The following MTERF4 variants were observed in gnomAD, a reference collection of about 807,000 sequenced individuals.
The protein encoded by MTERF4 is mitochondrial transcription termination factor 4.
Under a neutral mutation model 22.5 loss-of-function variants are expected in MTERF4, and 17 were observed. The ratio of observed to expected loss-of-function variants is 0.75; its 90% confidence interval spans 0.52 to 1.13. The LOEUF (loss-of-function observed/expected upper bound fraction) is 1.13. Ranked by LOEUF, MTERF4 falls within the 50% of genes most tolerant of loss-of-function variation. The pLI is 0.00. For missense variants in MTERF4, 420 were observed against 466.8 expected, an observed-to-expected ratio of 0.90 and a Z score of 0.92; for synonymous variants, 165 against 175.3, an observed-to-expected ratio of 0.94 and a Z score of 0.47.
At chr2:241,089,869 C>T (rs1331597377), downstream of MTERF4, 1 of 1,469,426 alleles carries the variant, frequency 6.8e-7, no homozygotes, top group Non-Finnish European at 9.0e-7. Context: ...CTACACACCA[C>T]AGCGTGTTAC....
intron 4 of MTERF4, among the ~76,000 whole-genome samples, chr2:241,076,527 T>C (rs556939221): frequency 6.6e-6 from 1 of 152,208 alleles, no homozygotes; most frequent in East Asian, 1.9e-4. Flanking sequence ...TTCTTTGGGG[T>C]TTTCTATATA....
At position 241,096,970 on chromosome 2, in the gene MTERF4, TGAA is replaced by T. The variant is rs1328549084; in HGVS notation, c.705+270_705+272del. 1.7e-6 allele frequency: 1 copy of T among 586,480 alleles called. No individual in the cohort carries two copies. The highest frequency in any genetic ancestry group is 3.0e-6 in the Non-Finnish European group (1 of 333,624). 36.3% of individuals were successfully genotyped at this position (586,480 alleles called of 1,614,324 possible). A position where few individuals can be genotyped will look rare whatever the true frequency, so the allele number is the denominator to read the frequency against. ...CATTCATTATTAATGGCAGAAAAGT[TGAA>T]GAATAGGTTTGATCTGTAGTAAAGA... On this transcript the variant is annotated intron_variant, in intron 3 of 3. Transcript: ENST00000391980. This position sits in a 1 kb window ranked among gnomAD's most constrained non-coding sequence, Gnocchi z 5.1.
chr2:241,064,137 G>GGCCC, the MTERF4 span: 130 of 1,525,948 alleles, frequency 8.5e-5, 8 homozygotes, highest in African/African-American at 5.9e-4. The surrounding 1 kb of genome is among the most constrained non-coding windows in gnomAD (Gnocchi z 7.0). Flanking sequence ...TAGGGCGGCA[G>GGCCC]GCCTGCCTGC....
the MTERF4 span, among the ~76,000 whole-genome samples, chr2:241,047,815 C>A: frequency 6.6e-6 from 1 of 151,886 alleles, no homozygotes; most frequent in Non-Finnish European, 1.5e-5. Context: ...TCTGTCCATT[C>A]CCAGGTGGTT....
the MTERF4 span, among the ~76,000 whole-genome samples, chr2:241,066,963 C>T: frequency 6.6e-6 from 1 of 152,212 alleles, no homozygotes; most frequent in African/African-American, 2.4e-5. Flanking sequence ...CAGTGGAGAG[C>T]CTGGGCGCAT....
the MTERF4 span, chr2:241,062,952 C>T: frequency 1.9e-5 from 24 of 1,260,544 alleles, no homozygotes; most frequent in Non-Finnish European, 2.6e-5. Flanking sequence ...AGCACACTGG[C>T]CATGTGCCTG....
At chr2:241,057,412 T>TATGC in the MTERF4 span, among the ~76,000 whole-genome samples, 635 of 129,336 alleles carry the variant, frequency 4.9e-3, 8 homozygotes, top group African/African-American at 0.018. Context: ...TATATATATA[T>TATGC]GCCATACGCA....
the MTERF4 span, chr2:241,052,408 C>T: frequency 1.7e-5 from 27 of 1,602,668 alleles, no homozygotes; most frequent in Middle Eastern, 3.3e-4. Flanking sequence ...CTGCGAGGAC[C>T]GGGACACGGA....
downstream of MTERF4, among the ~76,000 whole-genome samples, chr2:241,089,565 C>T (rs1048366678): frequency 4.6e-5 from 7 of 152,194 alleles, no homozygotes; most frequent in Admixed American, 2.6e-4. Context: ...TCTGCCTCTT[C>T]GGATGTGGAA....
chr2:241,053,281 G>A, the MTERF4 span: 2 of 1,601,476 alleles, frequency 1.2e-6, no homozygotes, highest in East Asian at 2.2e-5. Context: ...CCGCATCCGG[G>A]TCTGCCAGCC....
At chr2:241,088,784 C>T (rs141007131), downstream of MTERF4, 184 of 258,718 alleles carry the variant, frequency 7.1e-4, no homozygotes, top group African/African-American at 3.6e-3. Flanking sequence ...GGAGGGGCCA[C>T]GGGCAGCGGG....
chr2:241,091,791 G>A (rs2064024407), downstream of MTERF4: 1 of 152,484 alleles, frequency 6.6e-6, no homozygotes, highest in Admixed American at 6.5e-5. This position sits in a 1 kb window ranked among gnomAD's most constrained non-coding sequence, Gnocchi z 4.1. Flanking sequence ...GCCTCTAGAG[G>A]ACAGATGGCC....
chr2:241,098,875 G>A (rs2064573891), intron 2 of MTERF4, among the ~76,000 whole-genome samples: 1 of 152,108 alleles, frequency 6.6e-6, no homozygotes, highest in African/African-American at 2.4e-5. Context: ...TCTCTGCCCT[G>A]GCACTCAATT....
At position 241,095,889 on chromosome 2, in the gene MTERF4, GA is replaced by G; in HGVS notation, c.*108del. ...TTTTTTCATCAAGAGACCAGTTTTA[GA>G]ATAAAAAATAACTTGAGAAGATTCA... On this transcript the variant is annotated 3_prime_UTR_variant, in exon 4 of 4. Coordinates refer to ENST00000391980, the MANE Select transcript of MTERF4 (RefSeq NM_182501.4). 1 of 1,511,296 alleles carries G rather than the reference GA, an allele frequency of 6.6e-7. No homozygotes were observed. Among genetic ancestry groups the G allele is most frequent in the Non-Finnish European group, 8.8e-7 (1 of 1,134,110 alleles). The allele number at this position is 1,511,296 out of a possible 1,614,324, so 93.6% of individuals were successfully genotyped here.
downstream of MTERF4, chr2:241,094,305 C>T (rs758939620): frequency 3.0e-5 from 14 of 469,736 alleles, no homozygotes; most frequent in South Asian, 2.2e-4. The surrounding 1 kb of genome is among the most constrained non-coding windows in gnomAD (Gnocchi z 4.3). Context: ...GCAGGAACTC[C>T]TTCCACTGGC....
At chr2:241,102,041 G>C in intron 1 of MTERF4, 1 of 558,498 alleles carries the variant, frequency 1.8e-6, no homozygotes, top group Non-Finnish European at 2.9e-6. Context: ...GACAGAGCGA[G>C]ACTTTGTCTC....
At chr2:241,049,950 C>T in the MTERF4 span, 2 of 1,591,040 alleles carry the variant, frequency 1.3e-6, no homozygotes, top group African/African-American at 1.3e-5. Flanking sequence ...CGGGCAGGGG[C>T]GTCCGGGCCG....
rs562188313 is a variant in MTERF4, at chr2:241,095,876, G to C, written c.*122C>G. On this transcript the variant is annotated 3_prime_UTR_variant, in exon 4 of 4. Coordinates refer to ENST00000391980, the MANE Select transcript of MTERF4 (RefSeq NM_182501.4). ...GGTGACTTATAATTTTTTTCATCAA[G>C]AGACCAGTTTTAGAATAAAAAATAA... 1.3e-6 allele frequency: 2 copies of C among 1,499,890 alleles called. No individual in the cohort carries two copies. The highest frequency in any genetic ancestry group is 2.8e-5 in the South Asian group (2 of 72,418). 92.9% of individuals were successfully genotyped at this position (1,499,890 alleles called of 1,614,324 possible). A position where few individuals can be genotyped will look rare whatever the true frequency, so the allele number is the denominator to read the frequency against.
the MTERF4 span, among the ~76,000 whole-genome samples, chr2:241,048,038 C>G: frequency 2.6e-5 from 4 of 151,916 alleles, no homozygotes; most frequent in Admixed American, 2.0e-4. Context: ...CTTGTTCTGT[C>G]CAATCCTGGG....
Sources: gnomAD v4.1 joint callset for allele counts (sites outside exome capture counted in the v4.1 genomes callset) on GRCh38, gnomAD v4.1.1 for gene constraint, Gnocchi (gnomAD v3.1) non-coding constraint, MANE v1.5 for transcripts, NCBI Gene and HGNC (gene_info 2026-07-23, HGNC 2026-07-21) for gene names.